The following GPHN variants were observed in gnomAD, a reference collection of about 807,000 sequenced individuals.
GPHN encodes gephyrin.
GPHN carries 17 observed loss-of-function variants against 95.5 expected under a neutral mutation model. The observed-to-expected ratio is 0.18, with a 90% confidence interval of 0.12 to 0.27. GPHN has a LOEUF of 0.27. Ranked by LOEUF, GPHN falls within the 10% of genes least tolerant of loss-of-function variation. The pLI is 1.00. For synonymous variants in GPHN, 320 were observed against 322.5 expected, an observed-to-expected ratio of 0.99 and a Z score of 0.08; for missense variants, 660 against 978.1, an observed-to-expected ratio of 0.67 and a Z score of 4.34.
intron 18 of GPHN, among the ~76,000 whole-genome samples, chr14:67,151,737 G>A (rs778995621): frequency 6.5e-4 from 99 of 152,210 alleles, no homozygotes; most frequent in Admixed American, 1.6e-3. Context: ...TCCACCTCCC[G>A]GGTTCAAGCA....
chr14:67,364,699 G>A, the GPHN span: 1 of 1,446,700 alleles, frequency 6.9e-7, no homozygotes, highest in South Asian at 1.4e-5. Context: ...GGCAGGATGT[G>A]GAAATTGATT....
intron 9 of GPHN, among the ~76,000 whole-genome samples, chr14:67,003,112 C>A (rs952726410): frequency 3.3e-5 from 5 of 151,638 alleles, no homozygotes; most frequent in African/African-American, 1.2e-4. Flanking sequence ...TCTCCAAAAT[C>A]ACTTTCCCAT....
chr14:66,782,356 TTTTA>T, intron 3 of GPHN, among the ~76,000 whole-genome samples: 1 of 152,340 alleles, frequency 6.6e-6, no homozygotes, highest in East Asian at 1.9e-4. Flanking sequence ...TGTTTTTCTT[TTTTA>T]TTTTATTGGC....
the GPHN span, among the ~76,000 whole-genome samples, chr14:67,307,156 C>T: frequency 1.3e-5 from 2 of 152,092 alleles, no homozygotes; most frequent in Non-Finnish European, 2.9e-5. Context: ...AGTCTTGGCA[C>T]CTCTGTATTT....
At chr14:66,914,053 T>TAA (rs959399781) in intron 5 of GPHN, among the ~76,000 whole-genome samples, 1 of 146,762 alleles carries the variant, frequency 6.8e-6, no homozygotes, top group Non-Finnish European at 1.5e-5. Flanking sequence ...GACAAAATAG[T>TAA]AAAAAAAAAA....
At chr14:66,645,122 T>G (rs1247479585) in intron 1 of GPHN, among the ~76,000 whole-genome samples, 1 of 152,172 alleles carries the variant, frequency 6.6e-6, no homozygotes, top group African/African-American at 2.4e-5. Flanking sequence ...AAATTGCACT[T>G]GTAATTTTTA....
chr14:67,163,148 TA>T (rs59123282), intron 19 of GPHN, among the ~76,000 whole-genome samples: 3 of 151,218 alleles, frequency 2.0e-5, no homozygotes, highest in African/African-American at 4.9e-5. Flanking sequence ...CTATTAAAAA[TA>T]AAAAAAATTA....
the GPHN span, among the ~76,000 whole-genome samples, chr14:67,275,906 G>A: frequency 1.3e-4 from 20 of 152,224 alleles, no homozygotes; most frequent in East Asian, 3.9e-4. Flanking sequence ...CTTTATTTGC[G>A]TAGAGGTGTT....
At chr14:66,574,630 A>G (rs1211662285) in intron 1 of GPHN, among the ~76,000 whole-genome samples, 1 of 152,160 alleles carries the variant, frequency 6.6e-6, no homozygotes, top group Non-Finnish European at 1.5e-5. Context: ...CATATAGGGA[A>G]TTGGTAAAGC....
chr14:66,577,489 C>T (rs1214950465), intron 1 of GPHN, among the ~76,000 whole-genome samples: 3 of 152,064 alleles, frequency 2.0e-5, no homozygotes, highest in African/African-American at 4.8e-5. Context: ...AAGCTGAAAT[C>T]CCTGGAATGT....
chr14:67,374,007 ATTAG>A, the GPHN span, among the ~76,000 whole-genome samples: 1 of 152,152 alleles, frequency 6.6e-6, no homozygotes, highest in African/African-American at 2.4e-5. Flanking sequence ...ATTGAAAATT[ATTAG>A]TTCTCTCCAG....
the GPHN span, chr14:67,684,841 T>C: frequency 2.1e-6 from 1 of 485,990 alleles, no homozygotes; most frequent in Admixed American, 3.8e-5. Context: ...AAATCAAATG[T>C]AGCAGTTATT....
the GPHN span, chr14:67,557,496 C>T: frequency 2.5e-5 from 35 of 1,382,078 alleles, no homozygotes; most frequent in East Asian, 6.9e-5. Flanking sequence ...TGAGCTGTTC[C>T]GCTCAAGCCC....
intron 5 of GPHN, among the ~76,000 whole-genome samples, chr14:66,911,551 A>G (rs954646713): frequency 1.3e-5 from 2 of 152,020 alleles, no homozygotes; most frequent in East Asian, 3.8e-4. Flanking sequence ...TGAAAGTATC[A>G]GTGATAGTCT....
the GPHN span, chr14:67,412,175 G>C: frequency 1.2e-6 from 1 of 810,888 alleles, no homozygotes; most frequent in African/African-American, 1.8e-5. Context: ...CAGCTCCGAC[G>C]CGGCAGGGCG....
chr14:67,020,720 G>T (rs2073574243), intron 9 of GPHN, among the ~76,000 whole-genome samples: 1 of 151,916 alleles, frequency 6.6e-6, no homozygotes, highest in Non-Finnish European at 1.5e-5. Flanking sequence ...TTTTAGTTTT[G>T]ATTCCAGTTG....
At chr14:66,740,499 A>C (rs926263197) in intron 2 of GPHN, among the ~76,000 whole-genome samples, 1 of 151,816 alleles carries the variant, frequency 6.6e-6, no homozygotes, top group African/African-American at 2.4e-5. Context: ...TTTTCTTTGT[A>C]GGCTCTTTGT....
chr14:66,938,332 C>A (rs1378368284), intron 8 of GPHN, among the ~76,000 whole-genome samples: 1 of 152,016 alleles, frequency 6.6e-6, no homozygotes, highest in African/African-American at 2.4e-5. Context: ...GTGTGGGTTA[C>A]ATATAGCTTA....
intron 18 of GPHN, among the ~76,000 whole-genome samples, chr14:67,152,131 G>A (rs2081318946): frequency 6.6e-6 from 1 of 152,054 alleles, no homozygotes; most frequent in Non-Finnish European, 1.5e-5. Context: ...CCTCGTTTTT[G>A]TAAATAAATT....
Sources: gnomAD v4.1 joint callset for allele counts (sites outside exome capture counted in the v4.1 genomes callset) on GRCh38, gnomAD v4.1.1 for gene constraint, MANE v1.5 for transcripts, NCBI Gene and HGNC (gene_info 2026-07-23, HGNC 2026-07-21) for gene names.